Variants in SESTD1 observed in about 807,000 individuals in gnomAD.
SESTD1 encodes the protein SEC14 and spectrin domain containing 1, also known as SEC14 domain and spectrin repeat-containing protein 1.
Under a neutral mutation model 101.7 loss-of-function variants are expected in SESTD1, and 43 were observed. The ratio of observed to expected loss-of-function variants is 0.42; its 90% CI spans 0.33 to 0.55. The LOEUF (loss-of-function observed/expected upper bound fraction) is 0.55, where lower values mean the gene tolerates loss of function less well. SESTD1 is among the 20% of genes least tolerant of loss of function. The probability of loss-of-function intolerance (pLI) is 0.07; values close to 1 mark genes in which losing one functional copy is unlikely to be tolerated. For missense variants in SESTD1, 647 were observed against 815.1 expected, an observed-to-expected ratio of 0.79 and a Z score of 2.51; for synonymous variants, 283 against 286.8, an observed-to-expected ratio of 0.99 and a Z score of 0.13.
intron 1 of SESTD1, among the ~76,000 whole-genome samples, chr2:179,235,874 C>T (rs902451120): frequency 3.9e-5 from 6 of 152,180 alleles, no homozygotes; most frequent in Admixed American, 2.0e-4. Flanking sequence ...TACTGTTTCA[C>T]GGTTTGAGCC....
chr2:179,237,515 C>T (rs2047086320), intron 1 of SESTD1, among the ~76,000 whole-genome samples: 3 of 152,082 alleles, frequency 2.0e-5, no homozygotes, highest in Admixed American at 2.0e-4. Flanking sequence ...TTTTATTTAC[C>T]ATTGTGTGTG....
chr2:179,238,416 A>C (rs1277980646), intron 1 of SESTD1, among the ~76,000 whole-genome samples: 1 of 152,190 alleles, frequency 6.6e-6, no homozygotes, highest in Admixed American at 6.6e-5. Context: ...AATTTCTTCA[A>C]AATTCTTAGA....
chr2:179,180,680 C>A (rs538966469), intron 3 of SESTD1, among the ~76,000 whole-genome samples: 2 of 152,224 alleles, frequency 1.3e-5, no homozygotes, highest in East Asian at 1.9e-4. Context: ...AACTTTCCTG[C>A]ATATATGAAC....
rs961798401 is a variant in SESTD1, at chr2:179,107,453, T to C, written c.*2446A>G. 6 of 152,182 alleles carry C rather than the reference T, an allele frequency of 3.9e-5. No homozygotes were observed. Among genetic ancestry groups the C allele is most frequent in the African/African-American group, 1.4e-4 (6 of 41,452 alleles). The allele number at this position is 152,182 out of a possible 1,614,324, so 9.4% of individuals were successfully genotyped here. On this transcript the variant is annotated 3_prime_UTR_variant, in exon 18 of 18. Coordinates refer to ENST00000428443, the MANE Select transcript of SESTD1 (RefSeq NM_178123.5). ...TGGCAATTATAACTCCATGAGTTGA[T>C]GGCAGAATTACTAACAAACCAGTTC... is the stretch of plus-strand genomic sequence containing the variant.
chr2:179,126,498 CTT>C (rs1287437410), intron 10 of SESTD1, among the ~76,000 whole-genome samples: 6 of 152,132 alleles, frequency 3.9e-5, no homozygotes, highest in Non-Finnish European at 5.9e-5. Context: ...CAGAGGCTCT[CTT>C]TTCTTCTCAC....
At chr2:179,187,200 C>T (rs746540363) in intron 2 of SESTD1, among the ~76,000 whole-genome samples, 18 of 152,112 alleles carry the variant, frequency 1.2e-4, no homozygotes, top group East Asian at 3.9e-4. Context: ...AAAGCAACTA[C>T]GCAATTGAGA....
chr2:179,181,788 C>T (rs2046116839), intron 3 of SESTD1, among the ~76,000 whole-genome samples: 1 of 152,042 alleles, frequency 6.6e-6, no homozygotes, highest in Non-Finnish European at 1.5e-5. Flanking sequence ...ATAAGTCTGG[C>T]TAACCATGGT....
chr2:179,237,913 A>G (rs1374615896), intron 1 of SESTD1, among the ~76,000 whole-genome samples: 1 of 152,186 alleles, frequency 6.6e-6, no homozygotes, highest in African/African-American at 2.4e-5. Context: ...TGAGCAATAC[A>G]GGGATTATGG....
chr2:179,164,992 C>T (rs2045809988), intron 5 of SESTD1, among the ~76,000 whole-genome samples: 1 of 151,930 alleles, frequency 6.6e-6, no homozygotes, highest in Non-Finnish European at 1.5e-5. Flanking sequence ...CTAAATTATC[C>T]AAAATAATAC....
chr2:179,189,108 G>A (rs1050421750), intron 2 of SESTD1, among the ~76,000 whole-genome samples: 4 of 151,978 alleles, frequency 2.6e-5, no homozygotes, highest in Admixed American at 1.3e-4. Context: ...AACCTAGTGA[G>A]GTCACAACAA....
At chr2:179,137,008 G>C (rs1467842511) in intron 9 of SESTD1, among the ~76,000 whole-genome samples, 1 of 152,054 alleles carries the variant, frequency 6.6e-6, no homozygotes, top group Non-Finnish European at 1.5e-5. Context: ...TGCAAATTGA[G>C]GTTGATGCCC....
At position 179,173,016 on chromosome 2, in the gene SESTD1, C is replaced by T. The variant is rs111767573; in HGVS notation, c.256-783G>A. ...TCTTACCAAGACCTACAAGGCCCTT[C>T]AAGCTCAGGCCCCTGTTGGCCTCTC... On this transcript the variant is annotated intron_variant, in intron 4 of 17. Coordinates refer to ENST00000428443, the MANE Select transcript of SESTD1 (RefSeq NM_178123.5). 2.1e-3 allele frequency among the ~76,000 whole-genome samples: 325 copies of T among 152,316 alleles called. 6 individuals are homozygous for T. The highest frequency in any genetic ancestry group is 7.5e-3 in the African/African-American group (310 of 41,574).
chr2:179,140,586 C>T (rs1452670072), intron 9 of SESTD1, among the ~76,000 whole-genome samples: 4 of 152,178 alleles, frequency 2.6e-5, no homozygotes, highest in East Asian at 1.9e-4. Flanking sequence ...CGGCAGCCCT[C>T]GCAAAGCAAT....
At chr2:179,169,051 CA>C (rs2045884973) in intron 5 of SESTD1, among the ~76,000 whole-genome samples, 2 of 151,382 alleles carry the variant, frequency 1.3e-5, no homozygotes, top group Non-Finnish European at 2.9e-5. Context: ...AGTCCAAAGG[CA>C]AAAAAGAACA....
chr2:179,246,269 A>G (rs1237051813), intron 1 of SESTD1, among the ~76,000 whole-genome samples: 71 of 151,900 alleles, frequency 4.7e-4, no homozygotes, highest in Non-Finnish European at 1.2e-4. Context: ...AAAAAAAAAA[A>G]AAAAAAAAAT....
intron 9 of SESTD1, among the ~76,000 whole-genome samples, chr2:179,137,802 A>G (rs558741834): frequency 3.9e-5 from 6 of 152,326 alleles, no homozygotes; most frequent in African/African-American, 1.4e-4. Context: ...TAAAAACAAA[A>G]GAAGTTTGAA....
chr2:179,162,220 A>T (rs2045749580), intron 5 of SESTD1, among the ~76,000 whole-genome samples: 1 of 152,098 alleles, frequency 6.6e-6, no homozygotes, highest in Admixed American at 6.6e-5. Flanking sequence ...CTAATATCTG[A>T]AAGTTTTCCA....
intron 1 of SESTD1, among the ~76,000 whole-genome samples, chr2:179,253,581 G>A (rs894221438): frequency 1.3e-5 from 2 of 152,056 alleles, no homozygotes; most frequent in African/African-American, 2.4e-5. Flanking sequence ...TTTCCAAGAA[G>A]TAAAAAAAGT....
intron 5 of SESTD1, among the ~76,000 whole-genome samples, chr2:179,163,097 T>C (rs2045770341): frequency 1.3e-5 from 2 of 152,198 alleles, no homozygotes; most frequent in African/African-American, 4.8e-5. Flanking sequence ...CTTATGGATC[T>C]ATAGAACAAT....
Sources: allele counts gnomAD v4.1 joint callset (sites outside exome capture counted in the v4.1 genomes callset), GRCh38; gene constraint gnomAD v4.1.1; transcripts MANE v1.5; gene names NCBI Gene and HGNC (gene_info 2026-07-23, HGNC 2026-07-21).